Variants in PRKN observed in about 807,000 individuals in gnomAD.
PRKN encodes E3 ubiquitin-protein ligase parkin.
A neutral mutation model predicts 59.5 loss-of-function variants in PRKN; 56 were observed. The observed-to-expected ratio is 0.94, with a 90% CI of 0.76 to 1.18. The LOEUF is 1.18. Among genes scored for constraint, PRKN ranks in the 50% most tolerant of loss-of-function variants. PRKN has a pLI of 0.00. For missense variants in PRKN, 657 were observed against 596.4 expected, an observed-to-expected ratio of 1.10 and a Z score of -1.06; for synonymous variants, 250 against 222.1, an observed-to-expected ratio of 1.13 and a Z score of -1.12.
chr6:161,427,051 T>C (rs969645243), intron 9 of PRKN, among the ~76,000 whole-genome samples: 3 of 151,534 alleles, frequency 2.0e-5, no homozygotes, highest in African/African-American at 7.3e-5. Context: ...AGGGTTTTAC[T>C]CTGGTCCACC....
At chr6:161,516,547 G>T (rs1183854054) in intron 9 of PRKN, among the ~76,000 whole-genome samples, 1 of 149,292 alleles carries the variant, frequency 6.7e-6, no homozygotes, top group African/African-American at 2.5e-5. Flanking sequence ...AGAAAAGTGG[G>T]CTAGGTATGG....
At chr6:161,797,207 T>C (rs1022287718) in intron 6 of PRKN, among the ~76,000 whole-genome samples, 6 of 152,208 alleles carry the variant, frequency 3.9e-5, no homozygotes, top group Admixed American at 6.5e-5. Context: ...TTAAAATGAA[T>C]GAATGTAATC....
chr6:161,727,873 T>C (rs1399044792), intron 7 of PRKN, among the ~76,000 whole-genome samples: 1 of 152,202 alleles, frequency 6.6e-6, no homozygotes, highest in Admixed American at 6.5e-5. Context: ...CTTACTTTTC[T>C]CTGAATAACA....
At chr6:162,026,536 GC>G (rs1479001485) in intron 5 of PRKN, among the ~76,000 whole-genome samples, 1 of 152,138 alleles carries the variant, frequency 6.6e-6, no homozygotes, top group Non-Finnish European at 1.5e-5. Flanking sequence ...TAAAAGAGAT[GC>G]TTTTGCTGTA....
At chr6:162,171,433 G>A (rs1783267923) in intron 4 of PRKN, among the ~76,000 whole-genome samples, 1 of 152,098 alleles carries the variant, frequency 6.6e-6, no homozygotes, top group Non-Finnish European at 1.5e-5. Flanking sequence ...TGATTTGGCT[G>A]ATGGAGTGGC....
intron 1 of PRKN, among the ~76,000 whole-genome samples, chr6:162,592,715 C>T (rs1781357751): frequency 6.6e-6 from 1 of 151,978 alleles, no homozygotes; most frequent in Non-Finnish European, 1.5e-5. Context: ...TTCTCTTCAA[C>T]CTTGACACAA....
At chr6:162,550,428 T>C (rs1779291983) in intron 1 of PRKN, among the ~76,000 whole-genome samples, 1 of 152,168 alleles carries the variant, frequency 6.6e-6, no homozygotes, top group African/African-American at 2.4e-5. Context: ...ACAAGAGAAC[T>C]CTAGAGACAC....
chr6:162,213,430 C>T (rs1453899000), intron 3 of PRKN, among the ~76,000 whole-genome samples: 1 of 151,850 alleles, frequency 6.6e-6, no homozygotes, highest in African/African-American at 2.4e-5. Flanking sequence ...CTAGCATGCT[C>T]ACAATAGTAA....
In PRKN at chr6:162,054,148, T is replaced by G; in HGVS notation, c.561A>C (p.Leu187Phe). Residue 187 changes from leucine to phenylalanine, a missense_variant, in exon 5 of 12, where the codon TTA (leucine) becomes TTC (phenylalanine). Physicochemically the swap from Leu to Phe is conservative, Grantham distance 22. Coordinates refer to ENST00000366898, the MANE Select transcript of PRKN (RefSeq NM_004562.3). ...ATTCACCACTCATCCGGTTTGGAAT[T>G]AAAACATCATCCCAGCAAGATGGAC... ...TQGPSCWDDV[L>F]IPNRMSGECQ... 1 of 1,613,284 alleles carries G rather than the reference T, an allele frequency of 6.2e-7. No homozygotes were observed. The highest frequency in any genetic ancestry group is 1.1e-5 in the South Asian group (1 of 91,066).
intron 7 of PRKN, among the ~76,000 whole-genome samples, chr6:161,622,162 C>A (rs569980445): frequency 2.0e-5 from 3 of 152,116 alleles, no homozygotes; most frequent in Non-Finnish European, 4.4e-5. Context: ...AGATGGGGGG[C>A]TGCCCTCTAT....
At chr6:162,021,144 A>AAAATATATGTG (rs1308900730) in intron 5 of PRKN, among the ~76,000 whole-genome samples, 1 of 19,580 alleles carries the variant, frequency 5.1e-5, no homozygotes, top group Non-Finnish European at 8.5e-5. Context: ...ATATATATAT[A>AAAATATATGTG]TATATATATA....
At chr6:162,657,844 A>T (rs1778706620) in intron 1 of PRKN, among the ~76,000 whole-genome samples, 1 of 152,154 alleles carries the variant, frequency 6.6e-6, no homozygotes, top group Non-Finnish European at 1.5e-5. Flanking sequence ...CAAGCACCAA[A>T]TTACTGGCAA....
chr6:161,863,564 G>T (rs1369158567), intron 6 of PRKN, among the ~76,000 whole-genome samples: 1 of 152,118 alleles, frequency 6.6e-6, no homozygotes, highest in Admixed American at 6.6e-5. Context: ...AATTGAGTAT[G>T]ACATTTCCTG....
intron 2 of PRKN, among the ~76,000 whole-genome samples, chr6:162,407,125 G>A (rs1788110457): frequency 6.6e-6 from 1 of 152,022 alleles, no homozygotes; most frequent in Admixed American, 6.6e-5. Context: ...CCTAGACTTT[G>A]GGACTACTCT....
At chr6:162,092,662 T>A (rs1779549215) in intron 4 of PRKN, among the ~76,000 whole-genome samples, 1 of 152,228 alleles carries the variant, frequency 6.6e-6, no homozygotes, top group South Asian at 2.1e-4. Flanking sequence ...AGTATCATCA[T>A]TATCTGCTGT....
intron 6 of PRKN, among the ~76,000 whole-genome samples, chr6:161,788,988 T>C (rs554508401): frequency 6.6e-6 from 1 of 152,166 alleles, no homozygotes; most frequent in South Asian, 2.1e-4. Context: ...GCTGCCTTTA[T>C]ACACACACAC....
At chr6:161,787,197 C>A (rs550253904) in intron 6 of PRKN, among the ~76,000 whole-genome samples, 2 of 152,124 alleles carry the variant, frequency 1.3e-5, no homozygotes, top group African/African-American at 2.4e-5. Context: ...AAGATAATTT[C>A]TTAACACCTA....
At chr6:161,574,628 G>A (rs1014484366) in intron 7 of PRKN, among the ~76,000 whole-genome samples, 53 of 152,072 alleles carry the variant, frequency 3.5e-4, no homozygotes, top group Non-Finnish European at 3.7e-4. Flanking sequence ...ATTCTGAAAA[G>A]TTAAAAAATC....
chr6:162,282,576 C>T lies in PRKN; in HGVS notation c.172-19811G>A, dbSNP rs989799814. Among the ~76,000 whole-genome samples the T allele has an allele frequency of 9.2e-5, 14 of 152,268 alleles. 1 individual carries two copies. In the South Asian group the frequency reaches 2.7e-3, roughly 29 times the overall value. On this transcript the variant is annotated intron_variant, in intron 2 of 11. Transcript: ENST00000366898. The stretch of plus-strand genomic sequence containing the variant: ...TGTACATGGATGTCCTTTGCAACCA[C>T]AGTAAAAACCATGGCAACAATCTAA...
Sources: gnomAD v4.1 joint callset for allele counts (sites outside exome capture counted in the v4.1 genomes callset) on GRCh38, gnomAD v4.1.1 for gene constraint, MANE v1.5 for transcripts, NCBI Gene and HGNC (gene_info 2026-07-23, HGNC 2026-07-21) for gene names.